Variants in TAFA1 observed in about 807,000 individuals in gnomAD.
TAFA1 encodes chemokine-like protein TAFA-1.
Under a neutral mutation model 18.5 loss-of-function variants are expected in TAFA1, and 4 were observed. The observed-to-expected ratio is 0.22, with a 90% confidence interval of 0.11 to 0.49. The LOEUF is 0.49. TAFA1 is among the 20% of genes least tolerant of loss of function. The pLI, the probability that TAFA1 is intolerant of heterozygous loss-of-function variation, is 0.98. For missense variants in TAFA1, 147 were observed against 169.0 expected, an observed-to-expected ratio of 0.87 and a Z score of 0.72; for synonymous variants, 56 against 55.2, an observed-to-expected ratio of 1.01 and a Z score of -0.06.
intron 2 of TAFA1, among the ~76,000 whole-genome samples, chr3:68,228,305 T>C (rs536885880): frequency 6.6e-6 from 1 of 152,240 alleles, no homozygotes; most frequent in Non-Finnish European, 1.5e-5. Flanking sequence ...GTGAAGTGGC[T>C]TTTACAGGCA....
chr3:68,261,207 A>G (rs1455581528), intron 2 of TAFA1, among the ~76,000 whole-genome samples: 5 of 152,182 alleles, frequency 3.3e-5, no homozygotes, highest in Non-Finnish European at 7.3e-5. Flanking sequence ...AATCAAAACC[A>G]CAATGAGATA....
intron 2 of TAFA1, among the ~76,000 whole-genome samples, chr3:68,108,708 T>A (rs2065231942): frequency 6.6e-6 from 1 of 152,112 alleles, no homozygotes. Flanking sequence ...TAGATGAAGG[T>A]ATAAAAATAT....
chr3:68,531,025 A>AAAAC (rs2073181128), intron 3 of TAFA1, among the ~76,000 whole-genome samples: 1 of 150,602 alleles, frequency 6.6e-6, no homozygotes, highest in African/African-American at 2.5e-5. Flanking sequence ...ACAACAAAAC[A>AAAAC]AAACAAAACA....
chr3:68,457,859 C>T lies in TAFA1; in HGVS notation c.259+40439C>T, dbSNP rs533405496. ...CTATGTGTTCAGCTTTTTTAGAGTC[C>T]GCATATAAATGAGATCCAAGATGTT... is the stretch of plus-strand genomic sequence containing the variant. On this transcript the variant is annotated intron_variant, in intron 3 of 4. Transcript: ENST00000478136. 8.9e-4 allele frequency among the ~76,000 whole-genome samples: 136 copies of T among 152,100 alleles called. 2 individuals are homozygous for T. In the South Asian group the frequency reaches 0.01, roughly 11 times the overall value.
intron 2 of TAFA1, among the ~76,000 whole-genome samples, chr3:68,046,166 G>C (rs118126103): frequency 6.6e-6 from 1 of 152,010 alleles, no homozygotes; most frequent in Non-Finnish European, 1.5e-5. Context: ...TGATTCTGGC[G>C]GCGGTTTTCA....
At chr3:67,994,215 A>G in the TAFA1 span, among the ~76,000 whole-genome samples, 1 of 152,166 alleles carries the variant, frequency 6.6e-6, no homozygotes, top group Admixed American at 6.5e-5. Flanking sequence ...ATTTAACAAG[A>G]ATGGAAAATT....
chr3:68,125,982 C>T (rs2065459870), intron 2 of TAFA1, among the ~76,000 whole-genome samples: 1 of 152,142 alleles, frequency 6.6e-6, no homozygotes, highest in Admixed American at 6.5e-5. Context: ...TGTGGATTCT[C>T]AGGAACCCCT....
chr3:68,205,568 C>G (rs570573087), intron 2 of TAFA1, among the ~76,000 whole-genome samples: 1 of 151,796 alleles, frequency 6.6e-6, no homozygotes, highest in Non-Finnish European at 1.5e-5. Context: ...TACTACAATG[C>G]GACAAAAGTG....
intron 2 of TAFA1, among the ~76,000 whole-genome samples, chr3:68,069,915 G>T (rs2064730778): frequency 6.6e-6 from 1 of 152,190 alleles, no homozygotes; most frequent in African/African-American, 2.4e-5. Context: ...GTCTTGGGCA[G>T]CTCCACCTCT....
chr3:68,515,763 A>ATGTG (rs2072911482), intron 3 of TAFA1, among the ~76,000 whole-genome samples: 1 of 152,230 alleles, frequency 6.6e-6, no homozygotes. Flanking sequence ...AATGTGGATA[A>ATGTG]TAATGATCTT....
At chr3:68,371,561 C>A (rs769853713) in intron 2 of TAFA1, among the ~76,000 whole-genome samples, 5 of 152,128 alleles carry the variant, frequency 3.3e-5, no homozygotes, top group Non-Finnish European at 5.9e-5. Context: ...TGAATTCATT[C>A]TTTTTTATGG....
At chr3:68,257,754 A>G (rs775044259) in intron 2 of TAFA1, among the ~76,000 whole-genome samples, 1 of 152,266 alleles carries the variant, frequency 6.6e-6, no homozygotes, top group Middle Eastern at 3.4e-3. Context: ...TCCAAGGAAT[A>G]GAGTATGGAA....
intron 3 of TAFA1, among the ~76,000 whole-genome samples, chr3:68,423,206 C>A (rs909707327): frequency 6.6e-6 from 1 of 151,934 alleles, no homozygotes; most frequent in Non-Finnish European, 1.5e-5. Flanking sequence ...ATAATGTTTA[C>A]CATTTTTTAA....
chr3:68,357,776 A>G (rs534605115), intron 2 of TAFA1, among the ~76,000 whole-genome samples: 1 of 151,998 alleles, frequency 6.6e-6, no homozygotes, highest in African/African-American at 2.4e-5. Context: ...CCTTTTAGAG[A>G]TGTAAGTGTC....
intron 2 of TAFA1, among the ~76,000 whole-genome samples, chr3:68,234,490 T>G (rs1015071567): frequency 6.6e-6 from 1 of 152,172 alleles, no homozygotes; most frequent in Non-Finnish European, 1.5e-5. Context: ...TATTTAGGAT[T>G]CATCAACTCT....
chr3:68,050,490 T>C (rs554750256), intron 2 of TAFA1, among the ~76,000 whole-genome samples: 3 of 152,244 alleles, frequency 2.0e-5, no homozygotes, highest in South Asian at 4.1e-4. Flanking sequence ...TGGCACGTAA[T>C]GATACTTCAC....
intron 3 of TAFA1, among the ~76,000 whole-genome samples, chr3:68,475,405 T>A (rs4082809): frequency 5.3e-5 from 8 of 150,546 alleles, no homozygotes; most frequent in East Asian, 2.0e-4. Context: ...TGAGAACATG[T>A]CGTGTTTGGT....
intron 2 of TAFA1, among the ~76,000 whole-genome samples, chr3:68,348,617 C>T (rs1158610912): frequency 1.3e-5 from 2 of 152,122 alleles, no homozygotes; most frequent in Admixed American, 1.3e-4. Flanking sequence ...TCCTGTTTCT[C>T]TCTGAGCTAT....
chr3:68,144,328 G>A (rs2065709983), intron 2 of TAFA1, among the ~76,000 whole-genome samples: 1 of 152,174 alleles, frequency 6.6e-6, no homozygotes, highest in African/African-American at 2.4e-5. Flanking sequence ...TTATCTGATG[G>A]TTGGGAAGGT....
Sources: allele counts gnomAD v4.1 joint callset (sites outside exome capture counted in the v4.1 genomes callset), GRCh38; gene constraint gnomAD v4.1.1; transcripts MANE v1.5; gene names NCBI Gene and HGNC (gene_info 2026-07-23, HGNC 2026-07-21).